CCDC15: variants seen among roughly 807,000 people sequenced by gnomAD.
The protein encoded by CCDC15 is coiled-coil domain containing 15, also known as coiled-coil domain-containing protein 15.
In CCDC15, 105 loss-of-function variants were observed where a neutral mutation model predicts 114.5. The ratio of observed to expected loss-of-function variants is 0.92; its 90% CI spans 0.78 to 1.08. CCDC15 has a LOEUF of 1.08. Ranked by LOEUF, CCDC15 falls within the 50% of genes least tolerant of loss-of-function variation. The pLI is 0.00. For synonymous variants in CCDC15, 334 were observed against 377.8 expected (o/e 0.88, Z 1.34); for missense variants, 1,105 against 1,093.6 (o/e 1.01, Z -0.15).
At chr11:125,016,400 G>GA (rs199972650) in intron 13 of CCDC15, among the ~76,000 whole-genome samples, 74 of 149,174 alleles carry the variant, frequency 5.0e-4, no homozygotes, top group African/African-American at 3.7e-4. Context: ...GGGATGCTTG[G>GA]AAAAAAAAAA....
intron 9 of CCDC15, 150 bp downstream of exon 9, chr11:124,991,733 G>A: frequency 1.5e-6 from 1 of 666,952 alleles, no homozygotes. Context: ...GCCCAGGCTG[G>A]AGTGCAGTGG....
intron 13 of CCDC15, among the ~76,000 whole-genome samples, chr11:125,033,390 G>T (rs1948754385): frequency 6.6e-6 from 1 of 152,112 alleles, no homozygotes; most frequent in Non-Finnish European, 1.5e-5. Flanking sequence ...CTGCCACTTG[G>T]CCCTGCCATC....
At chr11:125,011,307 G>A (rs912754155) in intron 13 of CCDC15, among the ~76,000 whole-genome samples, 12 of 150,432 alleles carry the variant, frequency 8.0e-5, no homozygotes, top group Middle Eastern at 3.4e-3. Flanking sequence ...GCACGATCTC[G>A]ACTCACTGCA....
intron 13 of CCDC15, 123 bp downstream of exon 13, chr11:125,005,335 C>G (rs1048866458): frequency 2.0e-6 from 1 of 492,500 alleles, no homozygotes; most frequent in Non-Finnish European, 3.6e-6. Context: ...TATTTTTGAT[C>G]TGGGTGAAGT....
chr11:125,012,195 G>C (rs1482185495), intron 13 of CCDC15, among the ~76,000 whole-genome samples: 1 of 152,166 alleles, frequency 6.6e-6, no homozygotes, highest in Admixed American at 6.5e-5. Context: ...GCAGAGTATA[G>C]ATGGGCAGTC....
At chr11:124,966,738 G>C (rs1232337007) in intron 4 of CCDC15, among the ~76,000 whole-genome samples, 1 of 152,136 alleles carries the variant, frequency 6.6e-6, no homozygotes, top group South Asian at 2.1e-4. Flanking sequence ...TCCTAGCATC[G>C]ATGGTCTTTA....
intron 11 of CCDC15, among the ~76,000 whole-genome samples, chr11:124,998,776 C>T (rs1297236258): frequency 2.1e-5 from 3 of 142,136 alleles, no homozygotes; most frequent in East Asian, 2.1e-4. Context: ...CTCACTCTGT[C>T]GCCTAGGCAG....
chr11:124,984,391 C>T (rs1450945757), intron 6 of CCDC15, among the ~76,000 whole-genome samples: 1 of 152,030 alleles, frequency 6.6e-6, no homozygotes, highest in Non-Finnish European at 1.5e-5. Flanking sequence ...AGGGCTGGGG[C>T]CCTGGGAGAG....
intron 13 of CCDC15, among the ~76,000 whole-genome samples, chr11:125,006,137 C>T (rs1396227620): frequency 6.6e-6 from 1 of 152,152 alleles, no homozygotes; most frequent in East Asian, 1.9e-4. Context: ...TAAGACACTA[C>T]CAAATGGTCT....
chr11:124,989,636 A>C (rs1352839778), intron 8 of CCDC15, among the ~76,000 whole-genome samples: 1 of 152,216 alleles, frequency 6.6e-6, no homozygotes, highest in Non-Finnish European at 1.5e-5. Flanking sequence ...CACCTTCATC[A>C]GTGATCTTAG....
chr11:124,993,347 T>G (rs1948304390), intron 11 of CCDC15, 104 bp downstream of exon 11: 1 of 699,210 alleles, frequency 1.4e-6, no homozygotes, highest in Admixed American at 2.3e-5. Context: ...TGGCTGAAGA[T>G]TGACAGGGCA....
chr11:124,954,516 AAAAACCTTTCT>A (rs1947513651), intron 1 of CCDC15, 146 bp downstream of exon 1: 1 of 429,778 alleles, frequency 2.3e-6, no homozygotes, highest in Non-Finnish European at 4.3e-6. Context: ...AAGGCAACTT[AAAAACCTTTCT>A]TTGCCTCTTT....
chr11:125,030,184 C>A (rs1490608369), intron 13 of CCDC15, among the ~76,000 whole-genome samples: 2 of 152,144 alleles, frequency 1.3e-5, no homozygotes, highest in African/African-American at 2.4e-5. Context: ...GATTCCTGGA[C>A]TTGTGAATCC....
intron 11 of CCDC15, among the ~76,000 whole-genome samples, chr11:124,999,684 T>A (rs2135507627): frequency 6.6e-6 from 1 of 152,166 alleles, no homozygotes; most frequent in South Asian, 2.1e-4. Flanking sequence ...TCAATTGGGT[T>A]TGCCTTTACC....
chr11:125,002,580 G>A (rs1456913099), intron 11 of CCDC15, among the ~76,000 whole-genome samples: 1 of 152,034 alleles, frequency 6.6e-6, no homozygotes, highest in Non-Finnish European at 1.5e-5. Context: ...TGTGTGTAGT[G>A]TTAGGGAGCG....
intron 13 of CCDC15, among the ~76,000 whole-genome samples, chr11:125,021,584 G>T (rs1288268944): frequency 6.6e-6 from 1 of 151,824 alleles, no homozygotes; most frequent in Non-Finnish European, 1.5e-5. Context: ...TGTTTTGGTG[G>T]AGTGATGGAT....
At position 124,987,846 on chromosome 11, in the gene CCDC15, A is replaced by G. The variant is rs1176138301; in HGVS notation, c.1620A>G (p.Leu540=). The G allele has an allele frequency of 6.2e-7, 1 of 1,606,052 alleles. No homozygotes were observed. The change falls in exon 8 of 16, where the codon TTA becomes TTG. Residue 540 remains leucine (L), a synonymous_variant. Coordinates refer to ENST00000344762, the MANE Select transcript of CCDC15 (RefSeq NM_025004.3). The part of the protein sequence containing the change: ...QDFLPKDQDF[L]SRDQHVLPKD... ...TTCTACCTAAAGACCAGGACTTTTT[A>G]TCTAGAGACCAGCATGTTCTCCCCA...
intron 4 of CCDC15, among the ~76,000 whole-genome samples, chr11:124,966,277 A>C (rs1332834504): frequency 6.6e-6 from 1 of 152,140 alleles, no homozygotes; most frequent in Non-Finnish European, 1.5e-5. Context: ...TGGGAGTCTA[A>C]GTCTCTTTGT....
chr11:125,009,494 G>T (rs1304573125), intron 13 of CCDC15, among the ~76,000 whole-genome samples: 1 of 152,032 alleles, frequency 6.6e-6, no homozygotes, highest in African/African-American at 2.4e-5. Flanking sequence ...TTTTGGTTTT[G>T]TTTTTTATAA....
Sources: gnomAD v4.1 joint callset for allele counts (sites outside exome capture counted in the v4.1 genomes callset) on GRCh38, gnomAD v4.1.1 for gene constraint, MANE v1.5 for transcripts, NCBI Gene and HGNC (gene_info 2026-07-23, HGNC 2026-07-21) for gene names.